PPM1H: variants seen among roughly 807,000 people sequenced by gnomAD.
PPM1H encodes protein phosphatase, Mg2+/Mn2+ dependent 1H.
A neutral mutation model predicts 54.9 loss-of-function variants in PPM1H; 27 were observed. The ratio of observed to expected loss-of-function variants is 0.49; its 90% confidence interval spans 0.36 to 0.68. The LOEUF (loss-of-function observed/expected upper bound fraction) is 0.68. Among genes scored for constraint, PPM1H ranks in the 30% least tolerant of loss-of-function variants. The probability of loss-of-function intolerance (pLI) is 0.00; values close to 1 mark genes in which losing one functional copy is unlikely to be tolerated. For synonymous variants in PPM1H, 305 were observed against 270.8 expected, an observed-to-expected ratio of 1.13 and a Z score of -1.24; for missense variants, 596 against 667.8, an observed-to-expected ratio of 0.89 and a Z score of 1.19.
chr12:62,817,749 C>T (rs182467530), intron 2 of PPM1H, among the ~76,000 whole-genome samples: 274 of 152,254 alleles, frequency 1.8e-3, no homozygotes, highest in Admixed American at 4.2e-3. Context: ...ATGGCAAAAC[C>T]TCAGTTCGGA....
intron 5 of PPM1H, chr12:62,720,814 C>T (rs2076259358): frequency 6.5e-6 from 1 of 154,320 alleles, no homozygotes; most frequent in Admixed American, 6.4e-5. Flanking sequence ...TTGATCGTGT[C>T]ATTCGAAGAC....
At position 62,801,893 on chromosome 12, in the gene PPM1H, T is replaced by A; in HGVS notation, c.679A>T (p.Thr227Ser). 1 of 1,613,670 alleles carries A rather than the reference T, an allele frequency of 6.2e-7. No individual in the cohort carries two copies. The highest frequency in any genetic ancestry group is 1.1e-5 in the South Asian group (1 of 91,078). Reference protein sequence around the residue: ...GAPGSPSTPPTRFFTEKKIPH... With the variant: ...GAPGSPSTPPSRFFTEKKIPH... ...ATCTTCTTCTCGGTAAAGAAGCGTG[T>A]GGGGGGCGTGCTGGGGGAGCCCGGG... Residue 227 changes from threonine to serine, a missense_variant, in exon 3 of 10, where the codon ACA becomes TCA. Physicochemically the swap from Thr to Ser is moderately conservative, Grantham distance 58. Coordinates refer to ENST00000228705, the MANE Select transcript of PPM1H (RefSeq NM_020700.2).
intron 3 of PPM1H, among the ~76,000 whole-genome samples, chr12:62,794,670 G>T (rs574901447): frequency 1.3e-5 from 2 of 152,238 alleles, no homozygotes; most frequent in African/African-American, 2.4e-5. Context: ...GAGGGCAAAG[G>T]CTTCCTGTAA....
intron 4 of PPM1H, among the ~76,000 whole-genome samples, chr12:62,785,295 G>C (rs957455479): frequency 6.6e-6 from 1 of 152,144 alleles, no homozygotes; most frequent in African/African-American, 2.4e-5. Flanking sequence ...TCCTGCCTCA[G>C]CCTCCCAGGT....
intron 2 of PPM1H, among the ~76,000 whole-genome samples, chr12:62,817,141 A>G (rs2076873026): frequency 7.4e-6 from 1 of 135,048 alleles, no homozygotes; most frequent in African/African-American, 2.7e-5. Flanking sequence ...AAAAAAGAAA[A>G]AAAAAAAAAC....
chr12:62,873,741 G>C (rs2121015056), intron 1 of PPM1H, among the ~76,000 whole-genome samples: 1 of 152,272 alleles, frequency 6.6e-6, no homozygotes, highest in South Asian at 2.1e-4. Flanking sequence ...AAAGTTTGTG[G>C]GGACGGGAAT....
chr12:62,840,057 G>GAGAGAGAC (rs1330656180), intron 1 of PPM1H: 6 of 138,016 alleles, frequency 4.3e-5, no homozygotes, highest in African/African-American at 1.8e-4. Context: ...GAGACAGAGA[G>GAGAGAGAC]AGAGAGAGAG....
chr12:62,927,003 T>C (rs1871989815), intron 1 of PPM1H, among the ~76,000 whole-genome samples: 1 of 152,204 alleles, frequency 6.6e-6, no homozygotes, highest in Admixed American at 6.5e-5. Context: ...AATAAATATC[T>C]ATAACATATA....
At chr12:62,724,787 T>C (rs1248422995) in intron 5 of PPM1H, among the ~76,000 whole-genome samples, 2 of 152,214 alleles carry the variant, frequency 1.3e-5, no homozygotes, top group African/African-American at 4.8e-5. Context: ...AATTTTATCC[T>C]TTTCATAAGA....
At chr12:62,910,985 G>A (rs1871441273) in intron 1 of PPM1H, among the ~76,000 whole-genome samples, 2 of 152,188 alleles carry the variant, frequency 1.3e-5, no homozygotes, top group African/African-American at 4.8e-5. Context: ...CAATGTGGCA[G>A]GCTCCGCAAA....
chr12:62,823,253 C>T (rs1355026859), intron 2 of PPM1H, among the ~76,000 whole-genome samples: 1 of 152,046 alleles, frequency 6.6e-6, no homozygotes, highest in Non-Finnish European at 1.5e-5. Context: ...CAATAATTAA[C>T]ATCCTACCAA....
At chr12:62,848,319 T>C (rs1869050593) in intron 1 of PPM1H, among the ~76,000 whole-genome samples, 2 of 152,320 alleles carry the variant, frequency 1.3e-5, no homozygotes, top group South Asian at 4.1e-4. Context: ...ATAAACTTGA[T>C]ATATGAATTA....
At chr12:62,733,337 C>T (rs2076333611) in intron 5 of PPM1H, among the ~76,000 whole-genome samples, 1 of 152,054 alleles carries the variant, frequency 6.6e-6, no homozygotes. Flanking sequence ...TTACTGCAAC[C>T]TCCGCCTCCC....
In PPM1H at chr12:62,667,258, G is replaced by C. The variant is rs760385267; in HGVS notation, c.1317C>G (p.Leu439=). 6.2e-7 allele frequency: 1 copy of C among 1,601,678 alleles called. No individual in the cohort carries two copies. The highest frequency in any genetic ancestry group is 8.6e-7 in the Non-Finnish European group (1 of 1,169,010). Residue 439 remains leucine (L), a synonymous_variant, in exon 9 of 10, where the codon CTC becomes CTG. Coordinates refer to ENST00000228705, the MANE Select transcript of PPM1H (RefSeq NM_020700.2). ...DDVLILATDG[L]WDVLSNEEVA... is the part of the protein sequence containing the mutation. The stretch of plus-strand genomic sequence containing the variant: ...CTTCTTCATTTGATAAAACGTCCCA[G>C]AGTCCATCAGTGGCCAAGATCAGCA...
rs11615000 is a variant in PPM1H, at chr12:62,747,856, C to A, written c.870-10270G>T. On this transcript the variant is annotated intron_variant, in intron 4 of 9. Transcript: ENST00000228705. ...TGTGGCAGAACCCACCAAGTACTCC[C>A]TCTGCTCTAGATACACAACAATGAC... 2.0e-5 allele frequency among the ~76,000 whole-genome samples: 3 copies of A among 152,052 alleles called. No homozygotes were observed. In the South Asian group the frequency reaches 6.2e-4, roughly 31 times the overall value.
chr12:62,759,690 C>T (rs1291481655), intron 4 of PPM1H, among the ~76,000 whole-genome samples: 1 of 152,172 alleles, frequency 6.6e-6, no homozygotes, highest in Non-Finnish European at 1.5e-5. Context: ...GCAAGCACCC[C>T]TGACTCCTTC....
chr12:62,854,833 A>C (rs74234927), intron 1 of PPM1H, among the ~76,000 whole-genome samples: 3,998 of 152,264 alleles, frequency 0.026, 82 homozygotes, highest in East Asian at 0.085. Context: ...TTAAAAAAAA[A>C]CATAAAAATA....
intron 6 of PPM1H, among the ~76,000 whole-genome samples, chr12:62,706,129 C>T (rs1459288225): frequency 6.6e-6 from 1 of 152,226 alleles, no homozygotes; most frequent in Non-Finnish European, 1.5e-5. Flanking sequence ...GAACTGATAA[C>T]ATTACACGGT....
intron 4 of PPM1H, among the ~76,000 whole-genome samples, chr12:62,765,929 T>C (rs569563842): frequency 1.3e-5 from 2 of 152,276 alleles, no homozygotes; most frequent in South Asian, 2.1e-4. Context: ...CAGGTGAAGG[T>C]AGAAAGAGGC....
Sources: gnomAD v4.1 joint callset for allele counts (sites outside exome capture counted in the v4.1 genomes callset) on GRCh38, gnomAD v4.1.1 for gene constraint, MANE v1.5 for transcripts, NCBI Gene and HGNC (gene_info 2026-07-23, HGNC 2026-07-21) for gene names.